The following PDE4D variants were observed in gnomAD, a reference collection of about 807,000 sequenced individuals.
PDE4D encodes 3',5'-cyclic-AMP phosphodiesterase 4D.
In PDE4D, 24 loss-of-function variants were observed where a neutral mutation model predicts 87.4. The ratio of observed to expected loss-of-function variants is 0.27; its 90% CI spans 0.20 to 0.39. PDE4D has a LOEUF of 0.39. Ranked by LOEUF, PDE4D falls within the 10% of genes least tolerant of loss-of-function variation. PDE4D has a pLI of 1.00. For missense variants in PDE4D, 714 were observed against 1,041.0 expected (o/e 0.69, Z 4.32); for synonymous variants, 384 against 383.2 (o/e 1.00, Z -0.02).
intron 1 of PDE4D, among the ~76,000 whole-genome samples, chr5:59,355,119 G>T (rs899699338): frequency 6.6e-6 from 1 of 152,148 alleles, no homozygotes; most frequent in Non-Finnish European, 1.5e-5. Context: ...ACATGAAAAA[G>T]TCATTCTTAG....
At chr5:59,928,710 T>A (rs1360063594) in intron 3 of PDE4D, among the ~76,000 whole-genome samples, 1 of 152,034 alleles carries the variant, frequency 6.6e-6, no homozygotes, top group Non-Finnish European at 1.5e-5. Flanking sequence ...GCCACTAATC[T>A]CCTGTCCTAC....
intron 2 of PDE4D, among the ~76,000 whole-genome samples, chr5:60,116,014 A>G (rs1354771697): frequency 6.6e-6 from 1 of 152,148 alleles, no homozygotes; most frequent in African/African-American, 2.4e-5. Flanking sequence ...GCTTTGTAGT[A>G]AACAACATTA....
chr5:59,877,510 C>CA (rs1281156129), intron 1 of PDE4D, among the ~76,000 whole-genome samples: 4 of 114,444 alleles, frequency 3.5e-5, no homozygotes, highest in Admixed American at 9.0e-5. Flanking sequence ...AGAAGAAGAA[C>CA]AAAAAAAAAG....
chr5:60,181,038 CT>C (rs35515300), intron 2 of PDE4D, among the ~76,000 whole-genome samples: 8,292 of 152,072 alleles, frequency 0.055, 244 homozygotes, highest in Middle Eastern at 0.082. Context: ...ATAAAAAATA[CT>C]CTATCTTACA....
intron 3 of PDE4D, among the ~76,000 whole-genome samples, chr5:59,967,394 A>G (rs1323091698): frequency 1.3e-5 from 2 of 152,208 alleles, no homozygotes; most frequent in Non-Finnish European, 2.9e-5. Context: ...CACTATCTAC[A>G]GGGAACTTAA....
chr5:59,330,601 C>G (rs1003744889), intron 1 of PDE4D, among the ~76,000 whole-genome samples: 15 of 152,108 alleles, frequency 9.9e-5, no homozygotes, highest in Non-Finnish European at 1.9e-4. Flanking sequence ...TGGTTTGCCT[C>G]TATGTTAAAA....
intron 1 of PDE4D, among the ~76,000 whole-genome samples, chr5:59,597,543 G>T (rs574870955): frequency 2.9e-4 from 44 of 151,932 alleles, no homozygotes; most frequent in African/African-American, 9.9e-4. Flanking sequence ...GAGAGAGAGA[G>T]ATTTTGGAAA....
intron 1 of PDE4D, among the ~76,000 whole-genome samples, chr5:59,466,668 AG>A (rs1389974885): frequency 6.6e-6 from 1 of 152,216 alleles, no homozygotes; most frequent in Non-Finnish European, 1.5e-5. Context: ...TACTTTTTCC[AG>A]TAATTTCAAA....
intron 3 of PDE4D, among the ~76,000 whole-genome samples, chr5:59,979,180 A>G (rs188068124): frequency 1.2e-4 from 19 of 152,220 alleles, no homozygotes; most frequent in Admixed American, 3.9e-4. Flanking sequence ...GAAATAAGAA[A>G]GCCAAAATCA....
chr5:59,921,541 G>T (rs928084553), intron 3 of PDE4D, among the ~76,000 whole-genome samples: 1 of 152,100 alleles, frequency 6.6e-6, no homozygotes, highest in South Asian at 2.1e-4. Context: ...GATTTTTGTT[G>T]TTTGAAATGT....
At chr5:60,089,900 C>T (rs1774943139) in intron 2 of PDE4D, among the ~76,000 whole-genome samples, 2 of 149,782 alleles carry the variant, frequency 1.3e-5, no homozygotes, top group South Asian at 4.2e-4. Flanking sequence ...AATTGATACA[C>T]CAACAAATAG....
chr5:59,463,512 T>C (rs939440838), intron 1 of PDE4D, among the ~76,000 whole-genome samples: 3 of 152,134 alleles, frequency 2.0e-5, no homozygotes, highest in Non-Finnish European at 4.4e-5. Context: ...GTCCCCGCAC[T>C]GAATCACATG....
chr5:59,631,357 A>G (rs910047000), intron 1 of PDE4D, among the ~76,000 whole-genome samples: 1 of 152,158 alleles, frequency 6.6e-6, no homozygotes, highest in East Asian at 1.9e-4. Context: ...GTTAAAAAAG[A>G]GCAACTATTC....
At position 59,436,305 on chromosome 5, in the gene PDE4D, C is replaced by A. The variant is rs112123165; in HGVS notation, c.456-220337G>T. Among the ~76,000 whole-genome samples the A allele has an allele frequency of 7.2e-5, 11 of 152,246 alleles. 2 individuals are homozygous for A. The highest frequency in any genetic ancestry group is 2.6e-4 in the African/African-American group (11 of 41,552). ...CAAAATAATAAAAAGATGTAAATAT[C>A]TTTAATGCCCAACTACTTAAAATAA... On this transcript the variant is annotated intron_variant, in intron 1 of 14. Transcript: ENST00000340635.
intron 2 of PDE4D, among the ~76,000 whole-genome samples, chr5:60,002,936 CA>C (rs1764145802): frequency 1.3e-5 from 2 of 151,802 alleles, no homozygotes; most frequent in African/African-American, 4.8e-5. Flanking sequence ...AGCAATTAGG[CA>C]AGAAAAAGAA....
At position 59,970,096 on chromosome 5, in the gene PDE4D, C is replaced by T. The variant is rs532020112; in HGVS notation, c.272+18392G>A. 7.2e-5 allele frequency among the ~76,000 whole-genome samples: 11 copies of T among 152,230 alleles called. No individual in the cohort carries two copies. The South Asian group carries it at 1.7e-3, about 23-fold the overall frequency. Reference sequence around the variant, plus strand: ...CAAAATGTTTGTATCAGGAACAACGCTGATAAATTTAGCACTAGGTGTGAG... The same window carrying T: ...CAAAATGTTTGTATCAGGAACAACGTTGATAAATTTAGCACTAGGTGTGAG... On this transcript the variant is annotated intron_variant, in intron 3 of 16. Coordinates refer to the PDE4D transcript ENST00000502484.
At chr5:59,035,869 GC>G (rs1209527420) in intron 6 of PDE4D, among the ~76,000 whole-genome samples, 4 of 152,150 alleles carry the variant, frequency 2.6e-5, no homozygotes, top group African/African-American at 9.7e-5. Context: ...AAGGGTAAAT[GC>G]CATAGATTTA....
intron 1 of PDE4D, among the ~76,000 whole-genome samples, chr5:59,852,708 G>A (rs1391010332): frequency 6.6e-6 from 1 of 151,956 alleles, no homozygotes; most frequent in Non-Finnish European, 1.5e-5. Context: ...GCTAAATTTT[G>A]GGTATATGCA....
chr5:59,443,033 G>A (rs1435420196), intron 1 of PDE4D, among the ~76,000 whole-genome samples: 1 of 152,098 alleles, frequency 6.6e-6, no homozygotes, highest in African/African-American at 2.4e-5. Flanking sequence ...ACAGATACAA[G>A]AGAAAAATAA....
Sources: gnomAD v4.1 joint callset for allele counts (sites outside exome capture counted in the v4.1 genomes callset) on GRCh38, gnomAD v4.1.1 for gene constraint, MANE v1.5 for transcripts, NCBI Gene and HGNC (gene_info 2026-07-23, HGNC 2026-07-21) for gene names.